The following PHKB variants were observed in gnomAD, a reference collection of about 807,000 sequenced individuals.
The protein encoded by PHKB is phosphorylase b kinase regulatory subunit beta.
PHKB carries 122 observed loss-of-function variants against 152.1 expected under a neutral mutation model. The ratio of observed to expected loss-of-function variants is 0.80; its 90% CI spans 0.69 to 0.93. The LOEUF (loss-of-function observed/expected upper bound fraction) is 0.93, where lower values mean the gene tolerates loss of function less well. Ranked by LOEUF, PHKB falls within the 40% of genes least tolerant of loss-of-function variation. PHKB has a pLI of 0.00. For missense variants in PHKB, 1,304 were observed against 1,328.4 expected (o/e 0.98, Z 0.29); for synonymous variants, 436 against 464.9 (o/e 0.94, Z 0.80).
At chr16:47,681,965 G>C (rs892056969) in intron 26 of PHKB, among the ~76,000 whole-genome samples, 1 of 152,108 alleles carries the variant, frequency 6.6e-6, no homozygotes, top group Non-Finnish European at 1.5e-5. Context: ...GGGCAGGCCT[G>C]GTGGTGACAA....
chr16:47,635,652 A>G (rs192589459), intron 14 of PHKB, among the ~76,000 whole-genome samples: 128 of 152,310 alleles, frequency 8.4e-4, no homozygotes, highest in Non-Finnish European at 1.6e-3. Context: ...GGAAGTGACA[A>G]GATAGGACTT....
At chr16:47,491,392 AC>A (rs1970148377) in intron 1 of PHKB, among the ~76,000 whole-genome samples, 1 of 152,212 alleles carries the variant, frequency 6.6e-6, no homozygotes. Context: ...CTAGTATCTA[AC>A]CTGCATAATT....
chr16:47,496,240 T>G lies in PHKB; in HGVS notation c.77-1159T>G, dbSNP rs558522168. 5.8e-4 allele frequency among the ~76,000 whole-genome samples: 86 copies of G among 148,598 alleles called. 3 individuals are homozygous for G. The South Asian group carries it at 0.018, about 31-fold the overall frequency. Reference sequence around the variant, plus strand: ...GATTAATTGTGACCTTGAGTTGTTTTTAATTTCTGAGTGCTTTTAACAAGA... The same window carrying G: ...GATTAATTGTGACCTTGAGTTGTTTGTAATTTCTGAGTGCTTTTAACAAGA... On this transcript the variant is annotated intron_variant, in intron 1 of 30. Transcript: ENST00000323584.
At chr16:47,634,423 G>A (rs1023645463) in intron 14 of PHKB, among the ~76,000 whole-genome samples, 9 of 152,200 alleles carry the variant, frequency 5.9e-5, no homozygotes, top group African/African-American at 1.9e-4. Context: ...TGGGGAGGTG[G>A]CAGTAGACCA....
chr16:47,619,056 A>G lies in PHKB; in HGVS notation c.1458+8136A>G, dbSNP rs531239480. 4 of 152,362 alleles carry G rather than the reference A, an allele frequency of 2.6e-5. No homozygotes were observed. In the South Asian group the frequency reaches 6.2e-4, roughly 24 times the overall value. The allele number at this position is 152,362 out of a possible 1,614,324, so 9.4% of individuals were successfully genotyped here. A position where few individuals can be genotyped will look rare whatever the true frequency, so the allele number is the denominator to read the frequency against. On this transcript the variant is annotated intron_variant, in intron 14 of 30. Transcript: ENST00000323584. Reference sequence around the variant, plus strand: ...TGTTTCTTTTGTTTATAGGCACTGTACATGCCACTTCTACCCACATTATAT... The same window carrying G: ...TGTTTCTTTTGTTTATAGGCACTGTGCATGCCACTTCTACCCACATTATAT...
At chr16:47,580,447 A>T in intron 8 of PHKB, 89 bp downstream of exon 8, 1 of 965,352 alleles carries the variant, frequency 1.0e-6, no homozygotes, top group South Asian at 1.3e-5. Context: ...TTTCCTTATA[A>T]TCAGAGAATG....
intron 14 of PHKB, among the ~76,000 whole-genome samples, chr16:47,613,812 T>C (rs1433901918): frequency 6.6e-6 from 1 of 152,216 alleles, no homozygotes; most frequent in East Asian, 1.9e-4. Flanking sequence ...TAATCCGTTC[T>C]TTATTTTATA....
Position 47,603,422 on chromosome 16 carries a change from A to T in PHKB, c.1363+6891A>T, listed in dbSNP as rs141698793. 1.2e-3 allele frequency among the ~76,000 whole-genome samples: 185 copies of T among 152,120 alleles called. 1 individual carries two copies. Among genetic ancestry groups the T allele is most frequent in the Non-Finnish European group, 2.3e-3 (155 of 68,000 alleles). ...TTTCTGTGCAGCAGGCATTATAAAC[A>T]TCGGGAAGCACATGTAGTATTACTT... On this transcript the variant is annotated intron_variant, in intron 13 of 30. Transcript: ENST00000323584.
At chr16:47,464,070 G>C in intron 1 of PHKB, 1 of 944,710 alleles carries the variant, frequency 1.1e-6, no homozygotes, top group Non-Finnish European at 1.8e-6. Flanking sequence ...TTCACTATAA[G>C]ATATCATTAT....
At chr16:47,496,362 A>G (rs141163742) in intron 1 of PHKB, among the ~76,000 whole-genome samples, 1 of 151,804 alleles carries the variant, frequency 6.6e-6, no homozygotes, top group African/African-American at 2.4e-5. Flanking sequence ...TAATGTTACT[A>G]TCTGCCTAAA....
In PHKB at chr16:47,680,681, A is replaced by T. The variant is rs562543443; in HGVS notation, c.2631-8360A>T. ...TCTTTTCTTCTTTATTAGTCTTGCT[A>T]GCGGTCTATCAGTTTTGTTGATCTT... is the stretch of plus-strand genomic sequence containing the variant. On this transcript the variant is annotated intron_variant, in intron 26 of 30. Transcript: ENST00000323584. Among the ~76,000 whole-genome samples, 67 of 152,132 alleles carry T rather than the reference A, an allele frequency of 4.4e-4. No homozygotes were observed. The South Asian group carries it at 0.014, about 31-fold the overall frequency.
At chr16:47,680,871 A>G (rs1022602344) in intron 26 of PHKB, among the ~76,000 whole-genome samples, 2 of 151,950 alleles carry the variant, frequency 1.3e-5, no homozygotes, top group African/African-American at 4.8e-5. Context: ...TAGGATGTCA[A>G]TTTTGGGTCT....
chr16:47,635,219 T>C (rs1972897670), intron 14 of PHKB, among the ~76,000 whole-genome samples: 1 of 152,180 alleles, frequency 6.6e-6, no homozygotes, highest in Admixed American at 6.5e-5. Context: ...GGATTGCGCA[T>C]GTTTGAATCT....
rs1245130318 is a variant in PHKB, at chr16:47,700,632, G to A, written c.*1266G>A. On this transcript the variant is annotated 3_prime_UTR_variant, in exon 31 of 31. Transcript: ENST00000323584. ...TAAACTTTAATGAAAGTAGAAAGTA[G>A]ATTAAACATTTAAATTTTATTTCTT... 1 of 151,554 alleles carries A rather than the reference G, an allele frequency of 6.6e-6. No individual in the cohort carries two copies. Among genetic ancestry groups the A allele is most frequent in the East Asian group, 1.9e-4 (1 of 5,146 alleles). 9.4% of individuals were successfully genotyped at this position (151,554 alleles called of 1,614,324 possible).
At chr16:47,659,915 G>A (rs1451041645) in intron 20 of PHKB, among the ~76,000 whole-genome samples, 10 of 152,078 alleles carry the variant, frequency 6.6e-5, no homozygotes, top group Admixed American at 6.5e-4. Flanking sequence ...CCAGGCCAGA[G>A]TACAGTGGTG....
At chr16:47,683,078 G>A (rs536893719) in intron 26 of PHKB, among the ~76,000 whole-genome samples, 17 of 152,292 alleles carry the variant, frequency 1.1e-4, no homozygotes, top group East Asian at 7.7e-4. Flanking sequence ...GTAGAACAGC[G>A]GATCTTGGTG....
intron 5 of PHKB, 115 bp from the exon 6 acceptor site, chr16:47,515,406 A>G: frequency 1.4e-6 from 1 of 697,222 alleles, no homozygotes; most frequent in Middle Eastern, 3.7e-4. Context: ...TAGGAAAGGA[A>G]ATAGTTTTAT....
rs533483599 is a variant in PHKB, at chr16:47,664,656, A to G, written c.2337-229A>G. ...TTCAGTACAGTAAGACATCAAGCCA[A>G]TAAGTGATAGTTCTGGTAAACTTTC... On this transcript the variant is annotated intron_variant, in intron 24 of 30. Coordinates refer to ENST00000323584, the MANE Select transcript of PHKB (RefSeq NM_000293.3). 5 of 546,654 alleles carry G rather than the reference A, an allele frequency of 9.1e-6. No individual in the cohort carries two copies. In the African/African-American group the frequency reaches 9.5e-5, roughly 10 times the overall value. The allele number at this position is 546,654 out of a possible 1,614,324, so 33.9% of individuals were successfully genotyped here.
At chr16:47,493,442 C>T (rs1970183565) in intron 1 of PHKB, among the ~76,000 whole-genome samples, 1 of 152,144 alleles carries the variant, frequency 6.6e-6, no homozygotes, top group South Asian at 2.1e-4. Context: ...ATTGAGAGTA[C>T]AGATAAACTA....
Sources: gnomAD v4.1 joint callset for allele counts (sites outside exome capture counted in the v4.1 genomes callset) on GRCh38, gnomAD v4.1.1 for gene constraint, MANE v1.5 for transcripts, NCBI Gene and HGNC (gene_info 2026-07-23, HGNC 2026-07-21) for gene names.